LAMA2: variants seen among roughly 807,000 people sequenced by gnomAD.
The protein encoded by LAMA2 is laminin subunit alpha-2.
Under a neutral mutation model 364.8 loss-of-function variants are expected in LAMA2, and 269 were observed. That is an observed-to-expected ratio of 0.74 (90% CI 0.67 to 0.82). The LOEUF is 0.82. Among genes scored for constraint, LAMA2 ranks in the 40% least tolerant of loss-of-function variants. The pLI is 0.00. For synonymous variants in LAMA2, 1,379 were observed against 1,370.6 expected (o/e 1.01, Z -0.14); for missense variants, 3,807 against 3,873.2 (o/e 0.98, Z 0.45).
At chr6:129,335,499 C>A (rs1583521389) in intron 29 of LAMA2, among the ~76,000 whole-genome samples, 1 of 150,850 alleles carries the variant, frequency 6.6e-6, no homozygotes. Flanking sequence ...TTAGCTAGCT[C>A]AAACAACTTT....
At chr6:129,249,062 C>T (rs370398629) in intron 12 of LAMA2, among the ~76,000 whole-genome samples, 1 of 152,050 alleles carries the variant, frequency 6.6e-6, no homozygotes, top group Admixed American at 6.6e-5. Context: ...TTTAATCAGC[C>T]GTAGCGAGCT....
At chr6:128,913,833 G>A (rs980219393) in intron 1 of LAMA2, among the ~76,000 whole-genome samples, 3 of 152,038 alleles carry the variant, frequency 2.0e-5, no homozygotes, top group Non-Finnish European at 4.4e-5. Context: ...TGTGTGCAAG[G>A]GAAAAGAAAA....
Position 129,286,394 on chromosome 6 carries a change from G to A in LAMA2, c.2538-1453G>A, listed in dbSNP as rs563441472. On this transcript the variant is annotated intron_variant, in intron 18 of 64. Coordinates refer to ENST00000421865, the MANE Select transcript of LAMA2 (RefSeq NM_000426.4). ...AAGACAGAGCAGAATATAAATAGGC[G>A]CTGCCTATAAGGACGTTTCTGCACA... Among the ~76,000 whole-genome samples, 34 of 150,636 alleles carry A rather than the reference G, an allele frequency of 2.3e-4. No individual in the cohort carries two copies. The South Asian group carries it at 7.1e-3, about 31-fold the overall frequency.
In LAMA2 at chr6:129,466,979, G is replaced by A. The variant is rs73777426; in HGVS notation, c.7300+1690G>A. ...AGTTTGGAGATATGTAACAATTTAG[G>A]ATGCTACGGAGTCTGGTGAGCCTAG... On this transcript the variant is annotated intron_variant, in intron 51 of 64. Transcript: ENST00000421865. 8.2e-3 allele frequency among the ~76,000 whole-genome samples: 1,247 copies of A among 151,884 alleles called. 21 individuals carry two copies. The highest frequency in any genetic ancestry group is 0.029 in the African/African-American group (1,198 of 41,464).
At chr6:129,361,055 T>G (rs1203152356) in intron 32 of LAMA2, among the ~76,000 whole-genome samples, 5 of 152,174 alleles carry the variant, frequency 3.3e-5, no homozygotes, top group African/African-American at 1.2e-4. Context: ...TAATTTAATG[T>G]TTGCTATCAA....
intron 1 of LAMA2, among the ~76,000 whole-genome samples, chr6:128,922,825 T>G (rs1219998527): frequency 0.012 from 1,886 of 152,190 alleles, 39 homozygotes; most frequent in African/African-American, 0.042. Context: ...TTTCTTCTAG[T>G]GTTTTTATGG....
intron 3 of LAMA2, among the ~76,000 whole-genome samples, chr6:129,064,116 C>G (rs1028788431): frequency 1.3e-5 from 2 of 151,674 alleles, no homozygotes; most frequent in African/African-American, 4.8e-5. Context: ...ATGTGTTGTA[C>G]AAGGAGGGAA....
chr6:129,077,242 G>A (rs1773723368), intron 3 of LAMA2, among the ~76,000 whole-genome samples: 1 of 152,028 alleles, frequency 6.6e-6, no homozygotes, highest in South Asian at 2.1e-4. Flanking sequence ...ATCCATCATT[G>A]TGAAGAATAA....
At chr6:129,410,433 CTCTCTG>C (rs944138550) in intron 40 of LAMA2, among the ~76,000 whole-genome samples, 1 of 152,162 alleles carries the variant, frequency 6.6e-6, no homozygotes, top group Non-Finnish European at 1.5e-5. Flanking sequence ...GTAAAACTTT[CTCTCTG>C]TCTCTGTCTC....
chr6:129,179,416 G>A (rs1159463012), intron 10 of LAMA2, among the ~76,000 whole-genome samples: 1 of 152,086 alleles, frequency 6.6e-6, no homozygotes, highest in Admixed American at 6.5e-5. Flanking sequence ...GTGATGTCTG[G>A]TATTTGCAAG....
intron 3 of LAMA2, among the ~76,000 whole-genome samples, chr6:129,074,114 C>A (rs756896951): frequency 1.3e-4 from 19 of 151,846 alleles, no homozygotes; most frequent in South Asian, 2.1e-4. Flanking sequence ...CCAGTGGAAA[C>A]CCCGACTTGT....
At chr6:129,142,273 GTAC>G (rs1247809192) in intron 4 of LAMA2, among the ~76,000 whole-genome samples, 1 of 151,996 alleles carries the variant, frequency 6.6e-6, no homozygotes, top group Non-Finnish European at 1.5e-5. Flanking sequence ...TTTCCCCACA[GTAC>G]TGGAGGCTGA....
chr6:129,347,320 G>A (rs563157831), intron 30 of LAMA2, among the ~76,000 whole-genome samples: 2 of 152,218 alleles, frequency 1.3e-5, no homozygotes, highest in African/African-American at 4.8e-5. Context: ...ATTTTTGGAG[G>A]GGGAGAAACT....
At chr6:129,315,428 T>C in intron 24 of LAMA2, 48 bp from the exon 25 acceptor site, 1 of 1,548,158 alleles carries the variant, frequency 6.5e-7, no homozygotes, top group Non-Finnish European at 8.9e-7. Flanking sequence ...TTTAAAGAAA[T>C]GTCCAAAGCG....
intron 1 of LAMA2, among the ~76,000 whole-genome samples, chr6:128,908,231 T>G (rs372107950): frequency 6.6e-6 from 1 of 150,536 alleles, no homozygotes; most frequent in Admixed American, 6.6e-5. Context: ...TCCTTGTACC[T>G]CTGGTAGAAT....
chr6:129,031,710 T>C (rs1282013235), intron 1 of LAMA2, among the ~76,000 whole-genome samples: 1 of 152,216 alleles, frequency 6.6e-6, no homozygotes, highest in Admixed American at 6.5e-5. Context: ...GTTATTTTTG[T>C]TGTGTTGTTT....
chr6:129,247,018 G>A, intron 12 of LAMA2, among the ~76,000 whole-genome samples: 1 of 152,116 alleles, frequency 6.6e-6, no homozygotes, highest in Non-Finnish European at 1.5e-5. Context: ...ACCAGGAAAA[G>A]CTTGATTTTA....
chr6:129,393,296 G>A, intron 37 of LAMA2, 41 bp downstream of exon 37: 1 of 1,411,598 alleles, frequency 7.1e-7, no homozygotes, highest in South Asian at 1.2e-5. Flanking sequence ...TCAGAAGGTT[G>A]GGGACTGCGG....
chr6:129,068,116 C>T (rs1176008751), intron 3 of LAMA2, among the ~76,000 whole-genome samples: 3 of 152,274 alleles, frequency 2.0e-5, no homozygotes, highest in Middle Eastern at 6.8e-3. Context: ...AGGAAGCATT[C>T]AATGTGTTTG....
Sources: allele counts gnomAD v4.1 joint callset (sites outside exome capture counted in the v4.1 genomes callset), GRCh38; gene constraint gnomAD v4.1.1; transcripts MANE v1.5; gene names NCBI Gene and HGNC (gene_info 2026-07-23, HGNC 2026-07-21).